Variants in SLC39A14 observed in about 807,000 individuals in gnomAD.
The protein encoded by SLC39A14 is metal cation symporter ZIP14.
Under a neutral mutation model 45.5 loss-of-function variants are expected in SLC39A14, and 19 were observed. That is an observed-to-expected ratio of 0.42 (90% confidence interval 0.29 to 0.61). The LOEUF (loss-of-function observed/expected upper bound fraction) is 0.61, where lower values mean the gene tolerates loss of function less well. Ranked by LOEUF, SLC39A14 falls within the 20% of genes least tolerant of loss-of-function variation. The pLI, the probability that SLC39A14 is intolerant of heterozygous loss-of-function variation, is 0.22. For synonymous variants in SLC39A14, 264 were observed against 251.3 expected, an observed-to-expected ratio of 1.05 and a Z score of -0.48; for missense variants, 447 against 616.5, an observed-to-expected ratio of 0.73 and a Z score of 2.91.
intron 1 of SLC39A14, among the ~76,000 whole-genome samples, chr8:22,372,091 T>G (rs1832971917): frequency 6.6e-6 from 1 of 152,154 alleles, no homozygotes; most frequent in African/African-American, 2.4e-5. Flanking sequence ...TCACCAAAAC[T>G]TTGATTTAGG....
intron 1 of SLC39A14, among the ~76,000 whole-genome samples, chr8:22,368,206 T>C (rs1044245394): frequency 2.4e-4 from 37 of 152,186 alleles, no homozygotes; most frequent in African/African-American, 8.4e-4. Context: ...AAGTGCTCTC[T>C]TGTGGCCCGA....
At chr8:22,389,134 C>A (rs953427042) in intron 1 of SLC39A14, among the ~76,000 whole-genome samples, 12 of 152,144 alleles carry the variant, frequency 7.9e-5, no homozygotes. Context: ...CCTGTGAGAC[C>A]GGTAGCCCTC....
At position 22,367,996 on chromosome 8, in the gene SLC39A14, GGACAAAGTCGCCATCCGAGCAGTTTC is replaced by G. The variant is rs1016991742; in HGVS notation, c.-16+589_-16+614del. On this transcript the variant is annotated intron_variant, in intron 1 of 8. Transcript: ENST00000381237. The surrounding 1 kb of genome is among the most constrained non-coding windows in gnomAD (Gnocchi z 4.2). Reference sequence around the variant, plus strand: ...CCCCTCTTGGTGGGTGAGGGCAGTGGGACAAAGTCGCCATCCGAGCAGTTTCATCATCTGATCCTGAGGTCCAGTTG... The same window carrying G: ...CCCCTCTTGGTGGGTGAGGGCAGTGGATCATCTGATCCTGAGGTCCAGTTG... Among the ~76,000 whole-genome samples, 10 of 152,276 alleles carry G rather than the reference GGACAAAGTCGCCATCCGAGCAGTTTC, an allele frequency of 6.6e-5. No homozygotes were observed. The highest frequency in any genetic ancestry group is 2.2e-4 in the African/African-American group (9 of 41,550).
chr8:22,417,987 C>T (rs1376008841), intron 8 of SLC39A14, 152 bp downstream of exon 8: 4 of 621,640 alleles, frequency 6.4e-6, no homozygotes, highest in Non-Finnish European at 1.0e-5. Flanking sequence ...ACTGCAACCT[C>T]CGCGTCCCGG....
chr8:22,375,686 C>T (rs963667115), intron 1 of SLC39A14, among the ~76,000 whole-genome samples: 4 of 152,078 alleles, frequency 2.6e-5, no homozygotes, highest in Admixed American at 1.3e-4. Context: ...GGTGGGGTTT[C>T]GCCATGTTGG....
intron 2 of SLC39A14, among the ~76,000 whole-genome samples, chr8:22,407,815 G>T (rs1287105892): frequency 6.6e-6 from 1 of 151,370 alleles, no homozygotes; most frequent in Non-Finnish European, 1.5e-5. Context: ...GGCTCTAGCA[G>T]TCCCCCTGCC....
intron 8 of SLC39A14, among the ~76,000 whole-genome samples, chr8:22,428,898 G>A (rs1836427418): frequency 6.6e-6 from 1 of 152,146 alleles, no homozygotes; most frequent in Non-Finnish European, 1.5e-5. Flanking sequence ...GTTGATGTTT[G>A]GTAATTTTTG....
chr8:22,406,795 CG>C (rs1563570078), intron 2 of SLC39A14, among the ~76,000 whole-genome samples: 2 of 152,168 alleles, frequency 1.3e-5, no homozygotes, highest in African/African-American at 4.8e-5. Flanking sequence ...CCCGTGCCCC[CG>C]CGGGGTAATG....
intron 3 of SLC39A14, chr8:22,410,092 G>A (rs766988652): frequency 3.1e-6 from 5 of 1,613,986 alleles, no homozygotes; most frequent in East Asian, 4.5e-5. Context: ...GCTGTCTAAC[G>A]CGCTATTCCA....
At chr8:22,415,485 G>A (rs1835817283) in intron 5 of SLC39A14, 2 of 351,242 alleles carry the variant, frequency 5.7e-6, no homozygotes, top group South Asian at 3.7e-5. Context: ...TATTAGAAAC[G>A]GGGTCTCGCT....
At chr8:22,423,138 T>C (rs1445409555), downstream of SLC39A14, among the ~76,000 whole-genome samples, 1 of 151,804 alleles carries the variant, frequency 6.6e-6, no homozygotes, top group African/African-American at 2.4e-5. Flanking sequence ...AGGAAACTTT[T>C]GTACTCTCTT....
rs537164963 is a variant in SLC39A14 at position 22,367,743 on chromosome 8, T to C, written c.-16+335T>C. The C allele has an allele frequency of 4.6e-5, 7 of 152,338 alleles. No individual in the cohort carries two copies. The highest frequency in any genetic ancestry group is 1.4e-4 in the African/African-American group (6 of 41,552). 9.4% of individuals were successfully genotyped at this position (152,338 alleles called of 1,614,324 possible). A position where few individuals can be genotyped will look rare whatever the true frequency, so the allele number is the denominator to read the frequency against. On this transcript the variant is annotated intron_variant, in intron 1 of 8. Coordinates refer to ENST00000381237, the MANE Select transcript of SLC39A14 (RefSeq NM_001128431.4). This position sits in a 1 kb window ranked among gnomAD's most constrained non-coding sequence, Gnocchi z 4.2. The stretch of plus-strand genomic sequence containing the variant: ...ACGGACGCAGAACGCAGACAGTAGG[T>C]GGCCAATCCGAGGGGCGGCTCTTGG...
chr8:22,398,881 T>G, intron 1 of SLC39A14: 1 of 354,108 alleles, frequency 2.8e-6, no homozygotes. Context: ...GGTGTCTTGC[T>G]TTTTCCTATG....
intron 1 of SLC39A14, among the ~76,000 whole-genome samples, chr8:22,402,597 C>CT (rs1309840620): frequency 2.0e-5 from 3 of 151,760 alleles, no homozygotes; most frequent in Non-Finnish European, 2.9e-5. Context: ...TGGTAAAACC[C>CT]TGTCTCTACT....
intron 1 of SLC39A14, among the ~76,000 whole-genome samples, chr8:22,385,906 A>T (rs1833766480): frequency 6.6e-6 from 1 of 152,158 alleles, no homozygotes; most frequent in Admixed American, 6.6e-5. Context: ...GGAGGGGTTG[A>T]AGCAAGGAAA....
intron 5 of SLC39A14, 119 bp from the exon 6 acceptor site, chr8:22,415,650 C>G (rs531748537): frequency 2.2e-6 from 2 of 910,944 alleles, no homozygotes; most frequent in South Asian, 3.5e-5. Context: ...CTGCTTGTGT[C>G]ATCTTCGATG....
chr8:22,369,125 C>T (rs922318422), intron 1 of SLC39A14, among the ~76,000 whole-genome samples: 1 of 152,114 alleles, frequency 6.6e-6, no homozygotes, highest in African/African-American at 2.4e-5. Context: ...TAGTGGTCCT[C>T]TTGCTGGGGT....
At chr8:22,412,422 G>C (rs899777281) in intron 4 of SLC39A14, among the ~76,000 whole-genome samples, 1 of 152,186 alleles carries the variant, frequency 6.6e-6, no homozygotes, top group Non-Finnish European at 1.5e-5. Flanking sequence ...GTAACCCCAG[G>C]CACACCACTG....
chr8:22,400,219 G>A lies in SLC39A14; in HGVS notation c.-15-4477G>A, dbSNP rs181307248. Among the ~76,000 whole-genome samples the A allele has an allele frequency of 1.8e-4, 28 of 152,326 alleles. 1 individual carries two copies. The East Asian group carries it at 4.4e-3, about 24-fold the overall frequency. ...TTCAGACCAGGCTTTGATTTACAAA[G>A]CAATTCAGCTTCTGGCTTTGCTGCT... is the stretch of plus-strand genomic sequence containing the variant. On this transcript the variant is annotated intron_variant, in intron 1 of 8. Transcript: ENST00000381237.
Sources: gnomAD v4.1 joint callset for allele counts (sites outside exome capture counted in the v4.1 genomes callset) on GRCh38, gnomAD v4.1.1 for gene constraint, Gnocchi (gnomAD v3.1) non-coding constraint, MANE v1.5 for transcripts, NCBI Gene and HGNC (gene_info 2026-07-23, HGNC 2026-07-21) for gene names.